The following CC2D2B variants were observed in gnomAD, a reference collection of about 807,000 sequenced individuals.
The protein encoded by CC2D2B is protein CC2D2B.
A neutral mutation model predicts 161.2 loss-of-function variants in CC2D2B; 128 were observed. That is an observed-to-expected ratio of 0.79 (90% CI 0.69 to 0.92). The LOEUF is 0.92. Among genes scored for constraint, CC2D2B ranks in the 40% least tolerant of loss-of-function variants. CC2D2B has a pLI of 0.00. For missense variants in CC2D2B, 1,173 were observed against 1,375.1 expected (o/e 0.85, Z 2.32); for synonymous variants, 391 against 449.8 (o/e 0.87, Z 1.65).
intron 34 of CC2D2B, among the ~76,000 whole-genome samples, chr10:96,031,366 C>T (rs2080059427): frequency 6.6e-6 from 1 of 152,218 alleles, no homozygotes; most frequent in African/African-American, 2.4e-5. Context: ...TATTATTAAA[C>T]AGGTAATTTT....
chr10:96,033,383 G>C lies in CC2D2B; in HGVS notation c.*1375G>C, dbSNP rs1446557932. ...TTTTCTCCCAGGTTAAAACCTAACT[G>C]TATGTGTCTTGTGGCATGCATAAGA... On this transcript the variant is annotated 3_prime_UTR_variant, in exon 35 of 35. Coordinates refer to ENST00000646931, the MANE Select transcript of CC2D2B (RefSeq NM_001349008.3). 1.3e-5 allele frequency among the ~76,000 whole-genome samples: 2 copies of C among 152,182 alleles called. No individual in the cohort carries two copies. Among genetic ancestry groups the C allele is most frequent in the African/African-American group, 4.8e-5 (2 of 41,466 alleles).
chr10:95,959,691 A>G (rs2076696215), intron 11 of CC2D2B, among the ~76,000 whole-genome samples: 1 of 152,132 alleles, frequency 6.6e-6, no homozygotes, highest in African/African-American at 2.4e-5. Flanking sequence ...ATTTGGAATA[A>G]TCCAAGGAAT....
At chr10:96,020,149 A>G in intron 32 of CC2D2B, 1 of 185,770 alleles carries the variant, frequency 5.4e-6, no homozygotes, top group Non-Finnish European at 1.1e-5. Context: ...CCTGCGCCAT[A>G]TCTATGGTAA....
chr10:95,931,966 T>C (rs928347640), intron 6 of CC2D2B, among the ~76,000 whole-genome samples: 1 of 152,180 alleles, frequency 6.6e-6, no homozygotes, highest in Non-Finnish European at 1.5e-5. Flanking sequence ...CTGTCTAATA[T>C]TGACAGTGGG....
chr10:95,994,418 C>T (rs533358920), intron 22 of CC2D2B, among the ~76,000 whole-genome samples: 39 of 152,272 alleles, frequency 2.6e-4, no homozygotes, highest in South Asian at 8.3e-4. Context: ...ACCAGGAGTA[C>T]GGGAGGAACA....
chr10:95,971,133 A>C (rs190140153), intron 15 of CC2D2B, among the ~76,000 whole-genome samples: 33 of 152,290 alleles, frequency 2.2e-4, no homozygotes, highest in African/African-American at 7.2e-4. Context: ...TCACACCTGT[A>C]ATCCTAGCAC....
chr10:95,996,124 T>C lies in CC2D2B; in HGVS notation c.2740-19T>C. Reference sequence around the variant, plus strand: ...ATATAGTATTTCAAAATCTAGTCAATGTTTATTATGTGTTTCAGGATACTG... The same window carrying C: ...ATATAGTATTTCAAAATCTAGTCAACGTTTATTATGTGTTTCAGGATACTG... On this transcript the variant is annotated intron_variant, in intron 23 of 34. Coordinates refer to ENST00000646931, the MANE Select transcript of CC2D2B (RefSeq NM_001349008.3). 1.7e-6 allele frequency: 2 copies of C among 1,204,010 alleles called. No individual in the cohort carries two copies. The highest frequency in any genetic ancestry group is 2.6e-5 in the East Asian group (1 of 38,434). 74.6% of individuals were successfully genotyped at this position (1,204,010 alleles called of 1,614,324 possible).
At position 95,983,693 on chromosome 10, in the gene CC2D2B, A is replaced by T; in HGVS notation, c.2170A>T (p.Met724Leu). Reference sequence around the variant, plus strand: ...ATTTAACTTCGTTTCTGAAGAGGAAATGGCAAAGAGTAAACGTTTCCAGCT... The same window carrying T: ...ATTTAACTTCGTTTCTGAAGAGGAATTGGCAAAGAGTAAACGTTTCCAGCT... Reference protein sequence around the residue: ...DEFNFVSEEEMAKSKRFQLLQ... With the variant: ...DEFNFVSEEELAKSKRFQLLQ... Residue 724 changes from methionine to leucine, a missense_variant, in exon 19 of 35, where the codon ATG becomes TTG. By Grantham distance (15) the Met-to-Leu change is conservative (BLOSUM62 2). This residue lies in a region of CC2D2B where 277 missense variants were observed against 420.6 expected (regional missense o/e 0.66). Coordinates refer to ENST00000646931, the MANE Select transcript of CC2D2B (RefSeq NM_001349008.3). 1 of 1,231,256 alleles carries T rather than the reference A, an allele frequency of 8.1e-7. No homozygotes were observed. Among genetic ancestry groups the T allele is most frequent in the Non-Finnish European group, 1.0e-6 (1 of 987,242 alleles). The allele number at this position is 1,231,256 out of a possible 1,614,324, so 76.3% of individuals were successfully genotyped here.
rs912624921 is a variant in CC2D2B, at chr10:96,033,475, T to A, written c.*1467T>A. 5.3e-5 allele frequency among the ~76,000 whole-genome samples: 8 copies of A among 152,232 alleles called. No individual in the cohort carries two copies. Among genetic ancestry groups the A allele is most frequent in the Non-Finnish European group, 1.2e-4 (8 of 68,030 alleles). Reference sequence around the variant, plus strand: ...TAAATTTAATGTGAAGTTTTATTATTAAACAAGTCCCCCACTTTGATTGAT... The same window carrying A: ...TAAATTTAATGTGAAGTTTTATTATAAAACAAGTCCCCCACTTTGATTGAT... On this transcript the variant is annotated 3_prime_UTR_variant, in exon 35 of 35. Coordinates refer to ENST00000646931, the MANE Select transcript of CC2D2B (RefSeq NM_001349008.3).
At chr10:95,996,597 T>G (rs1408543555) in intron 24 of CC2D2B, among the ~76,000 whole-genome samples, 3 of 152,220 alleles carry the variant, frequency 2.0e-5, no homozygotes, top group Non-Finnish European at 2.9e-5. Context: ...TAACCATGAA[T>G]TTGTGTTTAT....
chr10:95,932,100 C>G (rs1379748748), intron 6 of CC2D2B, among the ~76,000 whole-genome samples: 1 of 152,180 alleles, frequency 6.6e-6, no homozygotes, highest in Non-Finnish European at 1.5e-5. Flanking sequence ...ATAGTTAGCT[C>G]TTCTTGTTGC....
chr10:95,975,273 T>C (rs183019755), intron 17 of CC2D2B, among the ~76,000 whole-genome samples: 1 of 152,134 alleles, frequency 6.6e-6, no homozygotes, highest in African/African-American at 2.4e-5. Context: ...AGGGAGAACA[T>C]TATATATAAA....
rs551339245 is a variant in CC2D2B, at chr10:95,960,165, C to T, written c.1110-1664C>T. 5.3e-5 allele frequency among the ~76,000 whole-genome samples: 8 copies of T among 152,280 alleles called. No homozygotes were observed. The South Asian group carries it at 1.5e-3, about 28-fold the overall frequency. On this transcript the variant is annotated intron_variant, in intron 11 of 34. Coordinates refer to ENST00000646931, the MANE Select transcript of CC2D2B (RefSeq NM_001349008.3). ...CACAGTTAACACTGGGCTTGTCTGA[C>T]TCCAAGTATCTTGCTATCCTTTCTA...
At chr10:96,010,006 CTG>C (rs2078917116) in intron 26 of CC2D2B, 83 bp downstream of exon 26, 2 of 782,286 alleles carry the variant, frequency 2.6e-6, no homozygotes, top group African/African-American at 3.4e-5. Flanking sequence ...GAATCAGACT[CTG>C]TGATTGGCAG....
In CC2D2B at chr10:96,033,559, C is replaced by A. The variant is rs1243397448; in HGVS notation, c.*1551C>A. 6.6e-6 allele frequency among the ~76,000 whole-genome samples: 1 copy of A among 152,144 alleles called. No homozygotes were observed. The highest frequency in any genetic ancestry group is 2.4e-5 in the African/African-American group (1 of 41,432). On this transcript the variant is annotated 3_prime_UTR_variant, in exon 35 of 35. Transcript: ENST00000646931. The stretch of plus-strand genomic sequence containing the variant: ...ATGCCAAAGACAGACTGAATTCATG[C>A]AACTCATTTCTGTACAGCTTTGAAT...
intron 32 of CC2D2B, chr10:96,020,444 C>G (rs1240865933): frequency 1.3e-5 from 2 of 152,344 alleles, no homozygotes; most frequent in African/African-American, 4.8e-5. Flanking sequence ...CAAGAAGTAA[C>G]TCAATCACTA....
At chr10:95,974,253 G>T in intron 17 of CC2D2B, 97 bp downstream of exon 17, 1 of 573,400 alleles carries the variant, frequency 1.7e-6, no homozygotes, top group Non-Finnish European at 2.6e-6. Flanking sequence ...GCAGCAATAG[G>T]AAGAGTTTAG....
chr10:95,961,327 A>C (rs1415759070), intron 11 of CC2D2B, among the ~76,000 whole-genome samples: 3 of 152,182 alleles, frequency 2.0e-5, no homozygotes, highest in African/African-American at 7.2e-5. Flanking sequence ...CAGAAGTTTG[A>C]GACCAGTGTG....
chr10:95,958,327 AC>A (rs760733489), intron 11 of CC2D2B, among the ~76,000 whole-genome samples: 57 of 152,098 alleles, frequency 3.7e-4, no homozygotes, highest in Non-Finnish European at 6.2e-4. Context: ...CCCCAACTGT[AC>A]TAAAAATACA....
Sources: allele counts gnomAD v4.1 joint callset (sites outside exome capture counted in the v4.1 genomes callset), GRCh38; gene constraint gnomAD v4.1.1; regional missense constraint gnomAD v4.1.1; transcripts MANE v1.5; gene names NCBI Gene and HGNC (gene_info 2026-07-23, HGNC 2026-07-21).